Variants in TUFT1 observed in about 807,000 individuals in gnomAD.
The protein encoded by TUFT1 is tuftelin.
Under a neutral mutation model 57.8 loss-of-function variants are expected in TUFT1, and 43 were observed. The observed-to-expected ratio is 0.74, with a 90% CI of 0.58 to 0.96. The LOEUF (loss-of-function observed/expected upper bound fraction) is 0.96, where lower values mean the gene tolerates loss of function less well. Among genes scored for constraint, TUFT1 ranks in the 40% least tolerant of loss-of-function variants. The pLI, the probability that TUFT1 is intolerant of heterozygous loss-of-function variation, is 0.00. For missense variants in TUFT1, 459 were observed against 489.0 expected, an observed-to-expected ratio of 0.94 and a Z score of 0.58; for synonymous variants, 166 against 176.7, an observed-to-expected ratio of 0.94 and a Z score of 0.48.
At chr1:151,554,791 C>T (rs1299445906) in intron 1 of TUFT1, among the ~76,000 whole-genome samples, 2 of 143,020 alleles carry the variant, frequency 1.4e-5, no homozygotes, top group African/African-American at 5.2e-5. Context: ...GCAACCTCTG[C>T]CTCCAGAGTT....
At chr1:151,557,344 C>A in intron 1 of TUFT1, 1 of 581,008 alleles carries the variant, frequency 1.7e-6, no homozygotes, top group Non-Finnish European at 3.1e-6. Flanking sequence ...CATTTAGAAC[C>A]ACATCAGACA....
At position 151,581,662 on chromosome 1, in the gene TUFT1, G is replaced by A. The variant is rs1377142529; in HGVS notation, c.1128G>A (p.Pro376=). ...TTTTCAGTATTAGGATATCCAAGCCGCCTAGCCCGAAGCCCATGCCTGTCA... is the reference window on the plus strand; with the variant it reads ...TTTTCAGTATTAGGATATCCAAGCCACCTAGCCCGAAGCCCATGCCTGTCA... ...ENPGSIRISK[P]PSPKPMPVIR... Residue 376 remains proline, a synonymous_variant, in exon 13 of 13, where the codon CCG becomes CCA. Transcript: ENST00000368849. 5.6e-6 allele frequency: 9 copies of A among 1,613,954 alleles called. No homozygotes were observed. Among genetic ancestry groups the A allele is most frequent in the East Asian group, 4.5e-5 (2 of 44,880 alleles).
chr1:151,554,399 A>G (rs1259487208), intron 1 of TUFT1, among the ~76,000 whole-genome samples: 1 of 152,002 alleles, frequency 6.6e-6, no homozygotes, highest in African/African-American at 2.4e-5. Flanking sequence ...GTTTTTTTAA[A>G]TTTTATTTTA....
intron 5 of TUFT1, among the ~76,000 whole-genome samples, chr1:151,565,642 T>C (rs1443187998): frequency 6.6e-6 from 1 of 152,250 alleles, no homozygotes; most frequent in Non-Finnish European, 1.5e-5. Flanking sequence ...ACAAACCGGC[T>C]GTCATATGAT....
chr1:151,555,501 G>A (rs1372715401), intron 1 of TUFT1, among the ~76,000 whole-genome samples: 4 of 148,238 alleles, frequency 2.7e-5, no homozygotes, highest in Admixed American at 6.8e-5. Context: ...ATTATAGGTC[G>A]GGCATGGTGG....
intron 2 of TUFT1, 119 bp downstream of exon 2, chr1:151,562,284 C>A: frequency 2.3e-6 from 2 of 868,724 alleles, no homozygotes; most frequent in South Asian, 3.2e-5. Context: ...GGAGCCCCTC[C>A]TTTCAGCAAC....
Position 151,582,246 on chromosome 1 carries a change from T to C in TUFT1, c.*539T>C, listed in dbSNP as rs1170521320. 2.2e-6 allele frequency: 1 copy of C among 455,518 alleles called. No individual in the cohort carries two copies. The highest frequency in any genetic ancestry group is 6.9e-5 in the East Asian group (1 of 14,408). The allele number at this position is 455,518 out of a possible 1,614,324, so 28.2% of individuals were successfully genotyped here. A position where few individuals can be genotyped will look rare whatever the true frequency, so the allele number is the denominator to read the frequency against. ...GGCCTCCTGCAGACAGATAGTGGGG[T>C]TACCTGGCAAGGCCTGGTGAGAGCC... is the stretch of plus-strand genomic sequence containing the variant. On this transcript the variant is annotated 3_prime_UTR_variant, in exon 13 of 13. Coordinates refer to ENST00000368849, the MANE Select transcript of TUFT1 (RefSeq NM_020127.3).
rs566795452 is a variant in TUFT1, at chr1:151,574,386, A to G, written c.711A>G (p.Leu237=). 13 of 1,614,068 alleles carry G rather than the reference A, an allele frequency of 8.1e-6. No homozygotes were observed. Among genetic ancestry groups the G allele is most frequent in the African/African-American group, 2.7e-5 (2 of 75,026 alleles). Residue 237 remains leucine (L), a synonymous_variant, in exon 8 of 13, where the codon CTA becomes CTG. Coordinates refer to ENST00000368849, the MANE Select transcript of TUFT1 (RefSeq NM_020127.3). ...AEVGELQRRL[L]GMETEHQALL... is the part of the protein sequence containing the mutation. ...TCGGAGAGCTGCAGAGGCGCTTGCT[A>G]GGGATGGAGACGGTAACCGGGGGAT...
rs571169122 is a variant in TUFT1, at chr1:151,557,299, A to G, written c.61-4792A>G. The G allele has an allele frequency of 1.3e-5, 6 of 463,860 alleles. No homozygotes were observed. The Admixed American group carries it at 2.1e-4, about 16-fold the overall frequency. 28.7% of individuals were successfully genotyped at this position (463,860 alleles called of 1,614,324 possible). On this transcript the variant is annotated intron_variant, in intron 1 of 12. Coordinates refer to ENST00000368849, the MANE Select transcript of TUFT1 (RefSeq NM_020127.3). ...TTTATGATACTAAATATTTAATAGT[A>G]TAATATTATCATATTTAAATATTTT...
At chr1:151,573,378 G>T (rs1462655733) in intron 7 of TUFT1, among the ~76,000 whole-genome samples, 1 of 152,134 alleles carries the variant, frequency 6.6e-6, no homozygotes, top group African/African-American at 2.4e-5. Context: ...AGTAGGAGTT[G>T]GAAAGATGCA....
chr1:151,575,098 G>A, intron 9 of TUFT1, 93 bp downstream of exon 9: 1 of 1,142,138 alleles, frequency 8.8e-7, no homozygotes, highest in Non-Finnish European at 1.3e-6. Context: ...GCCTGGTCTG[G>A]GGAGGAAGCT....
At chr1:151,579,828 CTT>C (rs1666588119) in intron 11 of TUFT1, 96 bp downstream of exon 11, 1 of 1,211,750 alleles carries the variant, frequency 8.3e-7, no homozygotes, top group Non-Finnish European at 1.2e-6. Context: ...TTTGTCATGT[CTT>C]GCTGTTGCTC....
intron 1 of TUFT1, among the ~76,000 whole-genome samples, chr1:151,556,221 CCA>C (rs1392586372): frequency 6.6e-6 from 1 of 152,162 alleles, no homozygotes; most frequent in African/African-American, 2.4e-5. Context: ...AACAGATGTG[CCA>C]CAGTTTGTTT....
chr1:151,563,311 T>G (rs1419117694), intron 3 of TUFT1, among the ~76,000 whole-genome samples: 4 of 152,140 alleles, frequency 2.6e-5, no homozygotes, highest in South Asian at 4.1e-4. Context: ...TTTTGGTCAG[T>G]GCATAACAAA....
chr1:151,540,759 A>C, intron 1 of TUFT1: 1 of 273,526 alleles, frequency 3.7e-6, no homozygotes, highest in Non-Finnish European at 7.1e-6. Flanking sequence ...TAAGAGAATG[A>C]GCTCAAGCGA....
chr1:151,556,100 G>A lies in TUFT1; in HGVS notation c.61-5991G>A, dbSNP rs544448189. Among the ~76,000 whole-genome samples the A allele has an allele frequency of 2.0e-5, 3 of 152,232 alleles. No homozygotes were observed. The South Asian group carries it at 6.2e-4, about 32-fold the overall frequency. ...AAAATGTTACACAAGTGAAATTATA[G>A]AGCATGTAAACTTTTGTGATTGGCT... On this transcript the variant is annotated intron_variant, in intron 1 of 12. Transcript: ENST00000368849.
chr1:151,557,431 C>T (rs991247713), intron 1 of TUFT1: 4 of 1,125,422 alleles, frequency 3.6e-6, no homozygotes, highest in Non-Finnish European at 5.3e-6. Flanking sequence ...AGCCCCGGCC[C>T]CTACAGCCAC....
intron 9 of TUFT1, among the ~76,000 whole-genome samples, chr1:151,576,620 A>G (rs1208305018): frequency 6.6e-6 from 1 of 152,084 alleles, no homozygotes; most frequent in African/African-American, 2.4e-5. Flanking sequence ...AACTCAGGTA[A>G]ACATTTTCCG....
intron 1 of TUFT1, 49 bp downstream of exon 1, chr1:151,540,475 C>G (rs776261268): frequency 6.2e-7 from 1 of 1,608,318 alleles, no homozygotes; most frequent in South Asian, 1.1e-5. Flanking sequence ...TTCCCGGTTT[C>G]TAAGTCCGCC....
Sources: gnomAD v4.1 joint callset for allele counts (sites outside exome capture counted in the v4.1 genomes callset) on GRCh38, gnomAD v4.1.1 for gene constraint, MANE v1.5 for transcripts, NCBI Gene and HGNC (gene_info 2026-07-23, HGNC 2026-07-21) for gene names.